The following NPRL3 variants were observed in gnomAD, a reference collection of about 807,000 sequenced individuals.
NPRL3 encodes GATOR1 complex protein NPRL3.
Under a neutral mutation model 57.2 loss-of-function variants are expected in NPRL3, and 23 were observed. That is an observed-to-expected ratio of 0.40 (90% CI 0.29 to 0.57). NPRL3 has a LOEUF of 0.57. NPRL3 is among the 20% of genes least tolerant of loss of function. The pLI is 0.42. For missense variants in NPRL3, 691 were observed against 767.1 expected (o/e 0.90, Z 1.17); for synonymous variants, 333 against 321.1 (o/e 1.04, Z -0.39).
chr16:106,370 C>T (rs996779989), intron 7 of NPRL3, among the ~76,000 whole-genome samples: 4 of 152,008 alleles, frequency 2.6e-5, no homozygotes, highest in Non-Finnish European at 4.4e-5. Flanking sequence ...TGGTGGCTCA[C>T]GCCTATAATC....
chr16:112,734 C>T lies in NPRL3; in HGVS notation c.435G>A (p.Leu145=). Reference sequence around the variant, plus strand: ...GCAGCACGGTGGCGATACGACGGGACAGGTTATGCAGACAGTTTATCACTG... The same window carrying T: ...GCAGCACGGTGGCGATACGACGGGATAGGTTATGCAGACAGTTTATCACTG... ...DPSVINCLHN[L]SRRIATVLQH... Residue 145 remains leucine (L), a synonymous_variant, in exon 6 of 14, where the codon CTG becomes CTA. Transcript: ENST00000611875. 1 of 1,611,762 alleles carries T rather than the reference C, an allele frequency of 6.2e-7. No individual in the cohort carries two copies. The highest frequency in any genetic ancestry group is 8.5e-7 in the Non-Finnish European group (1 of 1,178,456).
chr16:125,226 G>C (rs1471231667), intron 3 of NPRL3, among the ~76,000 whole-genome samples: 1 of 152,148 alleles, frequency 6.6e-6, no homozygotes, highest in Non-Finnish European at 1.5e-5. Context: ...CCACAGAAGG[G>C]ATCTCTTTCC....
chr16:98,022 G>A (rs1899095433), intron 9 of NPRL3, 123 bp downstream of exon 9: 1 of 1,233,256 alleles, frequency 8.1e-7, no homozygotes, highest in Admixed American at 2.2e-5. Context: ...CCCACCCCAT[G>A]GTGGGCTGTG....
intron 3 of NPRL3, among the ~76,000 whole-genome samples, chr16:125,271 T>C (rs2141971654): frequency 6.6e-6 from 1 of 152,256 alleles, no homozygotes; most frequent in East Asian, 1.9e-4. Flanking sequence ...TTGTACAGTA[T>C]GAAAGCATTA....
In NPRL3 at chr16:137,825, A is replaced by C. The variant is rs553520117; in HGVS notation, c.118+325T>G. 7.2e-5 allele frequency among the ~76,000 whole-genome samples: 11 copies of C among 151,964 alleles called. No homozygotes were observed. The South Asian group carries it at 1.9e-3, about 26-fold the overall frequency. ...GGTGATCCACCCGCCTCGGCCTCCC[A>C]AAGTGCTGGGATTACCGCCACCGGC... is the stretch of plus-strand genomic sequence containing the variant. On this transcript the variant is annotated intron_variant, in intron 2 of 13. Coordinates refer to ENST00000611875, the MANE Select transcript of NPRL3 (RefSeq NM_001077350.3).
chr16:109,031 C>T (rs562897726), intron 7 of NPRL3, among the ~76,000 whole-genome samples: 95 of 150,528 alleles, frequency 6.3e-4, no homozygotes, highest in Non-Finnish European at 2.1e-4. Context: ...TACAATGGTA[C>T]AACCATGGCT....
At chr16:137,392 A>G (rs953608574) in intron 2 of NPRL3, among the ~76,000 whole-genome samples, 2 of 152,222 alleles carry the variant, frequency 1.3e-5, no homozygotes, top group Non-Finnish European at 2.9e-5. Flanking sequence ...AGGGCGCCAC[A>G]GAACAATTCG....
chr16:114,898 G>T (rs767476097), intron 5 of NPRL3, among the ~76,000 whole-genome samples: 2 of 151,858 alleles, frequency 1.3e-5, no homozygotes, highest in South Asian at 4.2e-4. Flanking sequence ...AAAGGCACCT[G>T]AGACAGGCAT....
intron 9 of NPRL3, among the ~76,000 whole-genome samples, chr16:96,546 C>G (rs1899013681): frequency 6.7e-6 from 1 of 150,022 alleles, no homozygotes. Flanking sequence ...CATGGTGGCT[C>G]ATGCCTGTAA....
chr16:91,844 T>C (rs1898776356), intron 11 of NPRL3, among the ~76,000 whole-genome samples: 3 of 152,222 alleles, frequency 2.0e-5, no homozygotes, highest in Admixed American at 2.0e-4. Context: ...CCGTATCCTA[T>C]CTGGCCCTGC....
chr16:124,054 G>A (rs1201160328), intron 3 of NPRL3, among the ~76,000 whole-genome samples: 5 of 139,650 alleles, frequency 3.6e-5, no homozygotes, highest in African/African-American at 5.5e-5. Flanking sequence ...CACTCCCCAC[G>A]CTGAGAAACA....
chr16:97,745 G>A (rs765250106), intron 9 of NPRL3, among the ~76,000 whole-genome samples: 3 of 151,912 alleles, frequency 2.0e-5, no homozygotes, highest in Non-Finnish European at 4.4e-5. Flanking sequence ...GGAGGGCCCC[G>A]CATCCAAGCT....
At chr16:117,964 G>T (rs1289213143) in intron 4 of NPRL3, among the ~76,000 whole-genome samples, 2 of 152,310 alleles carry the variant, frequency 1.3e-5, no homozygotes, top group African/African-American at 2.4e-5. Flanking sequence ...AGGCTGCCCT[G>T]GCACCCATCC....
intron 7 of NPRL3, among the ~76,000 whole-genome samples, chr16:105,315 T>C (rs1899479326): frequency 6.6e-6 from 1 of 152,264 alleles, no homozygotes; most frequent in South Asian, 2.1e-4. Context: ...TTCCTAACCT[T>C]AGAACTAGAC....
Position 117,293 on chromosome 16 carries a change from ACACT to A in NPRL3, c.393+4_393+7del, listed in dbSNP as rs757371554. Reference sequence around the variant, plus strand: ...TCCCTGATCTTAACCATTTATATAAACACTCACCCTCAGTGCAAACACCACATTA... The same window carrying A: ...TCCCTGATCTTAACCATTTATATAAACACCCTCAGTGCAAACACCACATTA... On this transcript the variant is annotated splice_donor_5th_base_variant and intron_variant, in intron 5 of 13. Transcript: ENST00000611875. 6.3e-7 allele frequency: 1 copy of A among 1,593,638 alleles called. No individual in the cohort carries two copies. Among genetic ancestry groups the A allele is most frequent in the Non-Finnish European group, 8.6e-7 (1 of 1,162,852 alleles).
intron 3 of NPRL3, among the ~76,000 whole-genome samples, chr16:121,495 C>A (rs1900277562): frequency 6.6e-6 from 1 of 151,936 alleles, no homozygotes; most frequent in African/African-American, 2.4e-5. Flanking sequence ...GCAGTGAAGC[C>A]TGTAGTCCCA....
At chr16:129,033 G>T (rs759340005) in intron 3 of NPRL3, among the ~76,000 whole-genome samples, 1 of 152,196 alleles carries the variant, frequency 6.6e-6, no homozygotes, top group African/African-American at 2.4e-5. Context: ...AGAGAAGCAT[G>T]CCCCTCCCAC....
At chr16:138,004 C>T in intron 2 of NPRL3, 146 bp downstream of exon 2, 10 of 606,188 alleles carry the variant, frequency 1.6e-5, no homozygotes, top group South Asian at 4.5e-5. Context: ...TTTTTTTTTT[C>T]CTTTTTCTAC....
intron 6 of NPRL3, among the ~76,000 whole-genome samples, chr16:112,100 G>C (rs945599649): frequency 6.6e-6 from 1 of 152,206 alleles, no homozygotes; most frequent in Admixed American, 6.5e-5. Flanking sequence ...TCACCAGCTG[G>C]ATATTTCCAA....
Sources: allele counts gnomAD v4.1 joint callset (sites outside exome capture counted in the v4.1 genomes callset), GRCh38; gene constraint gnomAD v4.1.1; transcripts MANE v1.5; gene names NCBI Gene and HGNC (gene_info 2026-07-23, HGNC 2026-07-21).